Variants in SPIN1 observed in about 807,000 individuals in gnomAD.
SPIN1 encodes the protein spindlin-1.
A neutral mutation model predicts 26.0 loss-of-function variants in SPIN1; 3 were observed. The observed-to-expected ratio is 0.12, with a 90% CI of 0.05 to 0.30. SPIN1 has a LOEUF of 0.30. SPIN1 is among the 10% of genes least tolerant of loss of function. The pLI is 1.00. For synonymous variants in SPIN1, 101 were observed against 116.5 expected (o/e 0.87, Z 0.86); for missense variants, 126 against 333.4 (o/e 0.38, Z 4.84).
chr9:88,425,547 G>A lies in SPIN1; in HGVS notation c.-158-835G>A, dbSNP rs150756123. The stretch of plus-strand genomic sequence containing the variant: ...ACAAAAATTAGCTGGGCATGGTGGC[G>A]CACACCTGTAGTTCCAGCTACTCCG... On this transcript the variant is annotated intron_variant, in intron 1 of 5. Coordinates refer to ENST00000375859, the MANE Select transcript of SPIN1 (RefSeq NM_006717.3). 2.9e-3 allele frequency among the ~76,000 whole-genome samples: 437 copies of A among 151,840 alleles called. 3 individuals are homozygous for A. The highest frequency in any genetic ancestry group is 3.3e-3 in the Non-Finnish European group (224 of 67,972).
chr9:88,432,669 A>G (rs1180573115), intron 2 of SPIN1, among the ~76,000 whole-genome samples: 4 of 150,992 alleles, frequency 2.6e-5, no homozygotes, highest in Non-Finnish European at 5.9e-5. Flanking sequence ...TTTTTCTTTC[A>G]GTAGAGATGG....
intron 3 of SPIN1, among the ~76,000 whole-genome samples, chr9:88,458,859 A>G (rs1360230777): frequency 1.3e-5 from 2 of 152,146 alleles, no homozygotes; most frequent in Non-Finnish European, 2.9e-5. Context: ...CGAGGAGGCC[A>G]GTTTTTTTCT....
chr9:88,440,194 C>G (rs999044689), intron 2 of SPIN1, among the ~76,000 whole-genome samples: 1 of 150,764 alleles, frequency 6.6e-6, no homozygotes, highest in Non-Finnish European at 1.5e-5. Flanking sequence ...CAGAGTTTCA[C>G]CATGTTACAA....
chr9:88,402,378 A>G (rs559152965), intron 1 of SPIN1, among the ~76,000 whole-genome samples: 5 of 152,254 alleles, frequency 3.3e-5, no homozygotes, highest in African/African-American at 9.6e-5. Flanking sequence ...TTTGCTAACT[A>G]TGGTGACCCT....
intron 1 of SPIN1, among the ~76,000 whole-genome samples, chr9:88,407,537 G>A (rs753773106): frequency 6.6e-6 from 1 of 151,800 alleles, no homozygotes; most frequent in Non-Finnish European, 1.5e-5. Flanking sequence ...GTGGTCAGGA[G>A]CAGTGGCTCA....
intron 1 of SPIN1, chr9:88,391,448 A>G (rs545202887): frequency 6.3e-6 from 1 of 158,288 alleles, no homozygotes; most frequent in South Asian, 1.9e-4. Flanking sequence ...CCACATTTGA[A>G]TGGTTCCCTT....
chr9:88,411,739 G>A (rs1042466186), intron 1 of SPIN1, among the ~76,000 whole-genome samples: 32 of 152,048 alleles, frequency 2.1e-4, no homozygotes, highest in African/African-American at 7.7e-4. Context: ...GGTCTTGAAC[G>A]CCTGGGCTCA....
intron 2 of SPIN1, among the ~76,000 whole-genome samples, chr9:88,441,040 G>A (rs555260416): frequency 3.4e-4 from 51 of 151,802 alleles, no homozygotes; most frequent in African/African-American, 1.0e-3. Flanking sequence ...CTCTGTATCC[G>A]TGGGTTTTAC....
rs753083858 is a variant in SPIN1, at chr9:88,426,598, A to C, written c.52+7A>C. The C allele has an allele frequency of 4.9e-5, 79 of 1,612,444 alleles. No individual in the cohort carries two copies. Among genetic ancestry groups the C allele is most frequent in the Non-Finnish European group, 1.8e-5 (21 of 1,178,992 alleles). ...CGGTCCAGAGCTGATGCAGGTAGGC[A>C]TTGCGGTTCTACACATATTTAAATA... On this transcript the variant is annotated splice_region_variant and intron_variant, in intron 2 of 5. Coordinates refer to ENST00000375859, the MANE Select transcript of SPIN1 (RefSeq NM_006717.3).
At chr9:88,467,372 C>T (rs1828690362) in intron 4 of SPIN1, among the ~76,000 whole-genome samples, 1 of 152,102 alleles carries the variant, frequency 6.6e-6, no homozygotes, top group Non-Finnish European at 1.5e-5. Context: ...CTAACAAGTA[C>T]ACAAATAACA....
intron 1 of SPIN1, chr9:88,410,641 C>G: frequency 8.8e-7 from 1 of 1,130,034 alleles, no homozygotes; most frequent in Admixed American, 1.7e-5. Flanking sequence ...GGGGCCAGAG[C>G]TTCTGCCTCC....
At chr9:88,451,182 A>G (rs1828345592) in intron 3 of SPIN1, among the ~76,000 whole-genome samples, 1 of 152,068 alleles carries the variant, frequency 6.6e-6, no homozygotes, top group African/African-American at 2.4e-5. Context: ...CGGGAGTTGC[A>G]AGGAATAAGG....
At chr9:88,410,867 A>G in intron 1 of SPIN1, 1 of 938,416 alleles carries the variant, frequency 1.1e-6, no homozygotes, top group South Asian at 1.3e-5. Flanking sequence ...CCACGTTTCC[A>G]GAATCACTTA....
chr9:88,468,249 A>G, intron 4 of SPIN1, 123 bp from the exon 5 acceptor site: 1 of 592,550 alleles, frequency 1.7e-6, no homozygotes, highest in Non-Finnish European at 2.7e-6. Flanking sequence ...CCAGATTCTG[A>G]TGCTTGCTAA....
In SPIN1 at chr9:88,440,804, C is replaced by T. The variant is rs142861512; in HGVS notation, c.53-8137C>T. 1.2e-3 allele frequency among the ~76,000 whole-genome samples: 188 copies of T among 151,898 alleles called. 3 individuals are homozygous for T. The highest frequency in any genetic ancestry group is 4.3e-3 in the African/African-American group (178 of 41,246). The stretch of plus-strand genomic sequence containing the variant: ...ATGTTGGCCAGGCTGGTCTTGAACT[C>T]TCAACCTCAGGTGATCCACCTGCCT... On this transcript the variant is annotated intron_variant, in intron 2 of 5. Transcript: ENST00000375859.
intron 1 of SPIN1, among the ~76,000 whole-genome samples, chr9:88,402,463 C>G (rs1827210216): frequency 6.6e-6 from 1 of 152,102 alleles, no homozygotes; most frequent in South Asian, 2.1e-4. Flanking sequence ...CTCACCCTTC[C>G]CAGCCTCTGA....
At chr9:88,437,115 T>TGC (rs1174240318) in intron 2 of SPIN1, among the ~76,000 whole-genome samples, 7 of 151,850 alleles carry the variant, frequency 4.6e-5, no homozygotes, top group African/African-American at 1.7e-4. Flanking sequence ...TATCACCAAA[T>TGC]AATCTACTGT....
chr9:88,440,172 T>C (rs1388381125), intron 2 of SPIN1, among the ~76,000 whole-genome samples: 2 of 151,360 alleles, frequency 1.3e-5, no homozygotes, highest in African/African-American at 4.9e-5. Flanking sequence ...TTTTAATTTT[T>C]AAAAATAGAG....
At chr9:88,425,871 T>C (rs1002959322) in intron 1 of SPIN1, among the ~76,000 whole-genome samples, 2 of 152,162 alleles carry the variant, frequency 1.3e-5, no homozygotes, top group Non-Finnish European at 2.9e-5. Context: ...CTGCTGATCT[T>C]CAGCCTTGCT....
Sources: gnomAD v4.1 joint callset for allele counts (sites outside exome capture counted in the v4.1 genomes callset) on GRCh38, gnomAD v4.1.1 for gene constraint, MANE v1.5 for transcripts, NCBI Gene and HGNC (gene_info 2026-07-23, HGNC 2026-07-21) for gene names.